The following GUCY2F variants were observed in gnomAD, a reference collection of about 807,000 sequenced individuals.
The protein encoded by GUCY2F is retinal guanylyl cyclase 2.
A neutral mutation model predicts 73.1 loss-of-function variants in GUCY2F; 61 were observed. That is an observed-to-expected ratio of 0.83 (90% CI 0.68 to 1.03). The LOEUF (loss-of-function observed/expected upper bound fraction) is 1.03, where lower values mean the gene tolerates loss of function less well. GUCY2F is among the 50% of genes least tolerant of loss of function. GUCY2F has a pLI of 0.00. For missense variants in GUCY2F, 912 were observed against 854.3 expected (o/e 1.07, Z -0.84); for synonymous variants, 331 against 307.8 (o/e 1.08, Z -0.79).
intron 6 of GUCY2F, among the ~76,000 whole-genome samples, chrX:109,442,133 T>G (rs1181171609): frequency 1.8e-5 from 2 of 111,840 alleles, no homozygotes; most frequent in African/African-American, 6.5e-5. Context: ...CTTGCACACA[T>G]AAGTCTGGTA....
intron 6 of GUCY2F, among the ~76,000 whole-genome samples, chrX:109,442,116 T>G (rs960285073): frequency 8.9e-6 from 1 of 111,762 alleles, no homozygotes; most frequent in Non-Finnish European, 1.9e-5. Flanking sequence ...ATTTCTTGAT[T>G]TTTGAACTTG....
chrX:109,433,955 A>G (rs1931673473), intron 7 of GUCY2F, among the ~76,000 whole-genome samples: 1 of 110,546 alleles, frequency 9.0e-6, no homozygotes, highest in South Asian at 3.9e-4. Flanking sequence ...GACTTACTAG[A>G]TGATTTTTTA....
At position 109,476,763 on chromosome X, in the gene GUCY2F, TAGATAGATAGAC is replaced by T. The variant is rs1402182499; in HGVS notation, c.-85-754_-85-743del. Among the ~76,000 whole-genome samples, 168 of 106,908 alleles carry T rather than the reference TAGATAGATAGAC, an allele frequency of 1.6e-3. 1 individual carries two copies. Among genetic ancestry groups the T allele is most frequent in the African/African-American group, 5.5e-3 (152 of 27,545 alleles). 92.8% of individuals were successfully genotyped at this position (106,908 alleles called of 115,157 possible). A position where few individuals can be genotyped will look rare whatever the true frequency, so the allele number is the denominator to read the frequency against. ...ATAGATAGATAGATAGATAGATAGA[TAGATAGATAGAC>T]AGACTATATATATATGTGTGTGTGT... On this transcript the variant is annotated intron_variant, in intron 1 of 19. Transcript: ENST00000218006.
Position 109,463,659 on chromosome X carries a change from G to A in GUCY2F, c.1032+1483C>T, listed in dbSNP as rs751087446. 5.4e-5 allele frequency among the ~76,000 whole-genome samples: 6 copies of A among 110,334 alleles called. No individual in the cohort carries two copies. In the South Asian group the frequency reaches 1.2e-3, roughly 21 times the overall value. On this transcript the variant is annotated intron_variant, in intron 3 of 19. Transcript: ENST00000218006. ...TCACCGTGTTAGCCAGGATGGTCTC[G>A]ATCTCCTGACCTCGTGATCCACCCG...
Position 109,452,543 on chromosome X carries a change from A to C in GUCY2F, c.1388-436T>G, listed in dbSNP as rs746142755. On this transcript the variant is annotated intron_variant, in intron 4 of 19. Coordinates refer to ENST00000218006, the MANE Select transcript of GUCY2F (RefSeq NM_001522.3). ...GAGCCCATATGAGTTATAGATGAAA[A>C]ACGTGGTACTTCTCCTTCAAGGGTG... is the stretch of plus-strand genomic sequence containing the variant. Among the ~76,000 whole-genome samples, 41 of 111,937 alleles carry C rather than the reference A, an allele frequency of 3.7e-4. No individual in the cohort carries two copies. In the South Asian group the frequency reaches 0.015, roughly 40 times the overall value.
At chrX:109,468,340 C>T (rs760128312) in intron 2 of GUCY2F, among the ~76,000 whole-genome samples, 3 of 112,170 alleles carry the variant, frequency 2.7e-5, no homozygotes, top group Non-Finnish European at 5.6e-5. Context: ...TATTTATTTC[C>T]ATATCCTTGT....
Position 109,391,906 on chromosome X carries a change from C to A in GUCY2F, c.2781+5G>T. The A allele has an allele frequency of 8.8e-7, 1 of 1,138,277 alleles. No homozygotes were observed. Among genetic ancestry groups the A allele is most frequent in the Non-Finnish European group, 1.2e-6 (1 of 848,084 alleles). The allele number at this position is 1,138,277 out of a possible 1,213,427, so 93.8% of individuals were successfully genotyped here. On this transcript the variant is annotated splice_donor_5th_base_variant and intron_variant, in intron 14 of 19. Coordinates refer to ENST00000218006, the MANE Select transcript of GUCY2F (RefSeq NM_001522.3). ...TGGAATATATTTTCCTGCTAATTAA[C>A]CTACCTTGTAGACATCATGACTGCC...
At chrX:109,394,631 T>C (rs1569357260) in intron 12 of GUCY2F, among the ~76,000 whole-genome samples, 1 of 112,298 alleles carries the variant, frequency 8.9e-6, no homozygotes, top group Non-Finnish European at 1.9e-5. Flanking sequence ...CAACAAAGCC[T>C]AAACTGCATG....
chrX:109,393,999 C>T lies in GUCY2F; in HGVS notation c.2425-944G>A, dbSNP rs60182977. On this transcript the variant is annotated intron_variant, in intron 12 of 19. Transcript: ENST00000218006. ...CCCTTCTGAGCCTGGTTCACATCTGCAGGTCCATCAAAGTCCTGAGGATAA... is the reference window on the plus strand; with the variant it reads ...CCCTTCTGAGCCTGGTTCACATCTGTAGGTCCATCAAAGTCCTGAGGATAA... Among the ~76,000 whole-genome samples, 952 of 112,318 alleles carry T rather than the reference C, an allele frequency of 8.5e-3. 17 individuals are homozygous for T. The highest frequency in any genetic ancestry group is 0.029 in the African/African-American group (896 of 30,936).
chrX:109,428,528 A>ATCTG lies in GUCY2F; in HGVS notation c.1791+1778_1791+1779insCAGA, dbSNP rs1293296834. 1.8e-3 allele frequency among the ~76,000 whole-genome samples: 199 copies of ATCTG among 112,397 alleles called. 1 individual carries two copies. Among genetic ancestry groups the ATCTG allele is most frequent in the Non-Finnish European group, 3.3e-3 (174 of 53,294 alleles). On this transcript the variant is annotated intron_variant, in intron 8 of 19. Coordinates refer to ENST00000218006, the MANE Select transcript of GUCY2F (RefSeq NM_001522.3). The stretch of plus-strand genomic sequence containing the variant: ...AATCTGAGAAACCGTTACAGATTAA[A>ATCTG]AGCAACTAAAAAGATATGACAGCAA...
intron 10 of GUCY2F, among the ~76,000 whole-genome samples, chrX:109,402,922 C>T (rs1186618819): frequency 1.8e-5 from 2 of 111,896 alleles, no homozygotes; most frequent in Admixed American, 1.9e-4. Context: ...GTGTCTCTCT[C>T]TCTCTGTGTG....
chrX:109,471,388 C>T (rs1165868905), intron 2 of GUCY2F, among the ~76,000 whole-genome samples: 2 of 112,459 alleles, frequency 1.8e-5, no homozygotes, highest in Non-Finnish European at 3.8e-5. Context: ...TCCTGCTAAC[C>T]TTCGCAGGAA....
intron 2 of GUCY2F, among the ~76,000 whole-genome samples, chrX:109,469,542 G>A (rs952281734): frequency 9.1e-6 from 1 of 109,772 alleles, no homozygotes; most frequent in African/African-American, 3.3e-5. Context: ...AGTCCACAGA[G>A]ACACCCCCCC....
intron 5 of GUCY2F, among the ~76,000 whole-genome samples, chrX:109,450,185 C>T (rs766505289): frequency 1.8e-5 from 2 of 111,592 alleles, no homozygotes; most frequent in South Asian, 7.5e-4. Context: ...TTGTCTCAAA[C>T]TCATTTTCCT....
At chrX:109,390,456 C>T (rs767929476) in intron 14 of GUCY2F, among the ~76,000 whole-genome samples, 1 of 111,541 alleles carries the variant, frequency 9.0e-6, no homozygotes, top group African/African-American at 3.3e-5. Flanking sequence ...TTTTTATTTC[C>T]TTTGCACTGT....
intron 14 of GUCY2F, among the ~76,000 whole-genome samples, chrX:109,389,101 G>A (rs1930503865): frequency 8.9e-6 from 1 of 111,914 alleles, no homozygotes; most frequent in Non-Finnish European, 1.9e-5. Flanking sequence ...ATAGGGAAGG[G>A]GAAAGGAAGA....
At chrX:109,385,854 T>C (rs1930424048) in intron 15 of GUCY2F, among the ~76,000 whole-genome samples, 1 of 112,490 alleles carries the variant, frequency 8.9e-6, no homozygotes, top group African/African-American at 3.2e-5. Context: ...CATTTTAATA[T>C]GGCTGTGTTA....
At chrX:109,463,707 G>T (rs1437619066) in intron 3 of GUCY2F, among the ~76,000 whole-genome samples, 2 of 111,459 alleles carry the variant, frequency 1.8e-5, no homozygotes, top group Middle Eastern at 4.6e-3. Context: ...AAAGTGCTGG[G>T]ATTACAGGCG....
chrX:109,426,649 A>G (rs1931497188), intron 8 of GUCY2F, among the ~76,000 whole-genome samples: 1 of 112,362 alleles, frequency 8.9e-6, no homozygotes, highest in Non-Finnish European at 1.9e-5. Flanking sequence ...TCGGCCTCCC[A>G]AAGTGCTGGG....
Sources: gnomAD v4.1 joint callset for allele counts (sites outside exome capture counted in the v4.1 genomes callset) on GRCh38, gnomAD v4.1.1 for gene constraint, MANE v1.5 for transcripts, NCBI Gene and HGNC (gene_info 2026-07-23, HGNC 2026-07-21) for gene names.